The following AGO2 variants were observed in gnomAD, a reference collection of about 807,000 sequenced individuals.
AGO2 encodes protein argonaute-2.
Under a neutral mutation model 102.3 loss-of-function variants are expected in AGO2, and 5 were observed. The ratio of observed to expected loss-of-function variants is 0.05; its 90% CI spans 0.03 to 0.10. AGO2 has a LOEUF of 0.10. Among genes scored for constraint, AGO2 ranks in the 10% least tolerant of loss-of-function variants. AGO2 has a pLI of 1.00. For synonymous variants in AGO2, 449 were observed against 473.1 expected, an observed-to-expected ratio of 0.95 and a Z score of 0.66; for missense variants, 541 against 1,183.7, an observed-to-expected ratio of 0.46 and a Z score of 7.97.
intron 1 of AGO2, among the ~76,000 whole-genome samples, chr8:140,633,358 A>G (rs540584608): frequency 1.3e-5 from 2 of 152,168 alleles, no homozygotes; most frequent in Admixed American, 6.5e-5. Flanking sequence ...ACAACCTGAA[A>G]CTTGGGTTCA....
rs528544454 is a variant in AGO2 at position 140,533,216 on chromosome 8, T to C, written c.2272-601A>G. ...CATCCTGGCTAACACGGTGAAACCC[T>C]GTCTCTACTAAAAATACAAAAAATT... On this transcript the variant is annotated intron_variant, in intron 17 of 18. Coordinates refer to ENST00000220592, the MANE Select transcript of AGO2 (RefSeq NM_012154.5). Among the ~76,000 whole-genome samples, 744 of 148,772 alleles carry C rather than the reference T, an allele frequency of 5.0e-3. 6 individuals carry two copies. The highest frequency in any genetic ancestry group is 0.013 in the African/African-American group (511 of 40,506).
rs1395765442 is a variant in AGO2, at chr8:140,560,399, G to A, written c.630C>T (p.Leu210=). The part of the protein sequence containing the change: ...FGFHQSVRPS[L]WKMMLNIDVS... ...CATCAATATTCAGCATCATTTTCCA[G>A]AGAGAAGGCCGGACGGACTGATGGA... Residue 210 remains leucine, a synonymous_variant, in exon 5 of 19, where the codon CTC becomes CTT. Transcript: ENST00000220592. 2 of 1,614,074 alleles carry A rather than the reference G, an allele frequency of 1.2e-6. No homozygotes were observed. The highest frequency in any genetic ancestry group is 3.3e-5 in the Admixed American group (2 of 60,000).
chr8:140,559,914 A>C (rs2073168247), intron 5 of AGO2, among the ~76,000 whole-genome samples: 1 of 152,250 alleles, frequency 6.6e-6, no homozygotes. Flanking sequence ...TCAAATTCTC[A>C]TTGCTTTCTA....
At chr8:140,630,146 C>T (rs1156564315) in intron 1 of AGO2, among the ~76,000 whole-genome samples, 1 of 152,212 alleles carries the variant, frequency 6.6e-6, no homozygotes, top group African/African-American at 2.4e-5. Context: ...TCAGGAAGTG[C>T]AGTGCCATCA....
At chr8:140,563,225 G>A (rs2073230944) in intron 3 of AGO2, among the ~76,000 whole-genome samples, 1 of 152,182 alleles carries the variant, frequency 6.6e-6, no homozygotes, top group Non-Finnish European at 1.5e-5. Flanking sequence ...ACCCCAGCAA[G>A]GGAAAATTCA....
At chr8:140,638,240 A>C (rs1157023329), upstream of AGO2, 1 of 152,222 alleles carries the variant, frequency 6.6e-6, no homozygotes, top group Non-Finnish European at 1.5e-5. Flanking sequence ...TTGTTTCTTC[A>C]AGACTAAAAT....
At position 140,551,326 on chromosome 8, in the gene AGO2, G is replaced by A; in HGVS notation, c.1380C>T (p.Arg460=). The change falls in exon 11 of 19, where the codon CGC becomes CGT. Residue 460 remains arginine (R), a synonymous_variant. Coordinates refer to ENST00000220592, the MANE Select transcript of AGO2 (RefSeq NM_012154.5). ...ACTTCAGATGGACTTCCGTGCACTG[G>A]CGCTGGGGGGCGAAGCACGCAATGG... ...VWAIACFAPQ[R]QCTEVHLKSF... 6.3e-7 allele frequency: 1 copy of A among 1,577,342 alleles called. No individual in the cohort carries two copies. Among genetic ancestry groups the A allele is most frequent in the Non-Finnish European group, 8.6e-7 (1 of 1,157,214 alleles).
At chr8:140,565,874 T>C (rs1348647671) in intron 3 of AGO2, among the ~76,000 whole-genome samples, 1 of 151,740 alleles carries the variant, frequency 6.6e-6, no homozygotes, top group Non-Finnish European at 1.5e-5. Context: ...GAGTCCAGAG[T>C]TGGAGACCAG....
rs1326705395 is a variant in AGO2, at chr8:140,523,622, TA to T, written c.*8421del. Reference sequence around the variant, plus strand: ...ATAAAAACTTGCTTGCCTCTACAGTTATAAAACATGAATTCATACCTTTAAC... The same window carrying T: ...ATAAAAACTTGCTTGCCTCTACAGTTTAAAACATGAATTCATACCTTTAAC... On this transcript the variant is annotated 3_prime_UTR_variant, in exon 19 of 19. Coordinates refer to ENST00000220592, the MANE Select transcript of AGO2 (RefSeq NM_012154.5). 3 of 152,202 alleles carry T rather than the reference TA, an allele frequency of 2.0e-5. No homozygotes were observed. Among genetic ancestry groups the T allele is most frequent in the Non-Finnish European group, 4.4e-5 (3 of 68,026 alleles). The allele number at this position is 152,202 out of a possible 1,614,324, so 9.4% of individuals were successfully genotyped here. A position where few individuals can be genotyped will look rare whatever the true frequency, so the allele number is the denominator to read the frequency against.
intron 1 of AGO2, chr8:140,592,074 C>T (rs867623125): frequency 1.3e-5 from 2 of 151,662 alleles, no homozygotes; most frequent in Admixed American, 6.6e-5. Flanking sequence ...GAACTGAGAT[C>T]GCACCCTTGT....
chr8:140,556,711 C>T (rs1588454081), intron 8 of AGO2, among the ~76,000 whole-genome samples: 1 of 152,186 alleles, frequency 6.6e-6, no homozygotes, highest in East Asian at 1.9e-4. Flanking sequence ...GGAAGAGTTA[C>T]AGCACATGGC....
intron 18 of AGO2, 62 bp from the exon 19 acceptor site, chr8:140,532,214 C>A: frequency 6.6e-7 from 1 of 1,506,136 alleles, no homozygotes. Context: ...TGAGGCAGTG[C>A]GTCGATCACT....
chr8:140,598,037 C>T (rs2073874450), intron 1 of AGO2, among the ~76,000 whole-genome samples: 1 of 152,154 alleles, frequency 6.6e-6, no homozygotes. Context: ...GGTGCCAGGT[C>T]GAACACTGAG....
At position 140,559,507 on chromosome 8, in the gene AGO2, C is replaced by T. The variant is rs774525374; in HGVS notation, c.678G>A (p.Lys226=). 15 of 1,614,094 alleles carry T rather than the reference C, an allele frequency of 9.3e-6. No homozygotes were observed. The African/African-American group carries it at 1.6e-4, about 17-fold the overall frequency. Residue 226 remains lysine (K), a synonymous_variant, in exon 6 of 19, where the codon AAG becomes AAA. Transcript: ENST00000220592. ...AAACAAACTCGATTACTGGCTGTGC[C>T]TTGTAAAACGCTGTTGCTGACACTG... The part of the protein sequence containing the change: ...NIDVSATAFY[K]AQPVIEFVCE...
At chr8:140,628,011 G>T (rs1242334209) in intron 1 of AGO2, among the ~76,000 whole-genome samples, 1 of 152,166 alleles carries the variant, frequency 6.6e-6, no homozygotes, top group Non-Finnish European at 1.5e-5. Flanking sequence ...CTGCTCGAGG[G>T]CTTCTACCTC....
chr8:140,545,644 C>T (rs147321273), intron 13 of AGO2, among the ~76,000 whole-genome samples: 1 of 152,314 alleles, frequency 6.6e-6, no homozygotes, highest in Non-Finnish European at 1.5e-5. Flanking sequence ...ACAGCCTCCC[C>T]GTCTAATGAT....
intron 1 of AGO2, among the ~76,000 whole-genome samples, chr8:140,601,474 CT>C (rs1233423868): frequency 6.6e-6 from 1 of 152,384 alleles, no homozygotes; most frequent in African/African-American, 2.4e-5. Flanking sequence ...TTCTGCCCCC[CT>C]GGTCTACCCC....
chr8:140,634,480 G>C (rs1004482922), intron 1 of AGO2, among the ~76,000 whole-genome samples: 1 of 152,242 alleles, frequency 6.6e-6, no homozygotes, highest in Non-Finnish European at 1.5e-5. Flanking sequence ...CCGTCCCAGC[G>C]GCCAGGCCGG....
At chr8:140,634,791 G>C (rs2074382868) in intron 1 of AGO2, among the ~76,000 whole-genome samples, 1 of 152,204 alleles carries the variant, frequency 6.6e-6, no homozygotes, top group Non-Finnish European at 1.5e-5. Flanking sequence ...TGAGGGTTCC[G>C]GGGAGCCGCG....
Sources: gnomAD v4.1 joint callset for allele counts (sites outside exome capture counted in the v4.1 genomes callset) on GRCh38, gnomAD v4.1.1 for gene constraint, MANE v1.5 for transcripts, NCBI Gene and HGNC (gene_info 2026-07-23, HGNC 2026-07-21) for gene names.